NDOR1: variants seen among roughly 807,000 people sequenced by gnomAD.
The protein encoded by NDOR1 is NADPH dependent diflavin oxidoreductase 1.
In NDOR1, 61 loss-of-function variants were observed where a neutral mutation model predicts 67.2. The ratio of observed to expected loss-of-function variants is 0.91; its 90% CI spans 0.74 to 1.12. The LOEUF is 1.12. Ranked by LOEUF, NDOR1 falls within the 50% of genes most tolerant of loss-of-function variation. The pLI, the probability that NDOR1 is intolerant of heterozygous loss-of-function variation, is 0.00. For missense variants in NDOR1, 878 were observed against 802.8 expected (o/e 1.09, Z -1.13); for synonymous variants, 378 against 343.7 (o/e 1.10, Z -1.10).
At position 137,214,521 on chromosome 9, in the gene NDOR1, A is replaced by C. The variant is rs375495144; in HGVS notation, c.723-49A>C. On this transcript the variant is annotated intron_variant, in intron 6 of 13. Transcript: ENST00000684003. ...GGGATGACTTCTATCCGGGGCCCCG[A>C]CATCCTCCCTGCGGCGTCCCCACAG... 17 of 1,609,110 alleles carry C rather than the reference A, an allele frequency of 1.1e-5. 1 individual carries two copies. The African/African-American group carries it at 1.5e-4, about 14-fold the overall frequency.
rs1362317347 is a variant in NDOR1, at chr9:137,216,403, A to G, written c.1781A>G (p.Glu594Gly). The G allele has an allele frequency of 6.2e-7, 1 of 1,604,372 alleles. No homozygotes were observed. Among genetic ancestry groups the G allele is most frequent in the Non-Finnish European group, 8.5e-7 (1 of 1,179,326 alleles). ...RLQQTRRFQT[E>G]TWA ...CAGCAGACACGGCGCTTCCAGACAGAGACGTGGGCCTGAGGCCCGCGGCTG... is the reference window on the plus strand; with the variant it reads ...CAGCAGACACGGCGCTTCCAGACAGGGACGTGGGCCTGAGGCCCGCGGCTG... The change falls in exon 14 of 14, where the codon GAG becomes GGG. Residue 594 changes from glutamate (E) to glycine (G), a missense_variant. Coordinates refer to ENST00000684003, the MANE Select transcript of NDOR1 (RefSeq NM_014434.4).
In NDOR1 at chr9:137,214,307, T is replaced by C. The variant is rs761637810; in HGVS notation, c.616T>C (p.Ser206Pro). The change falls in exon 6 of 14, where the codon TCG (serine) becomes CCG (proline). Residue 206 changes from serine to proline, a missense_variant. Ser to Pro is a moderately conservative substitution (Grantham distance 74). Transcript: ENST00000684003. ...CGGCTCTCAGGAGCCCCCGTCAGAG[T>C]CGAAGCCCTTCCTAGCACCCATGAT... is the stretch of plus-strand genomic sequence containing the variant. ...HPGSQEPPSESKPFLAPMISN... is the reference protein window; with the variant it reads ...HPGSQEPPSEPKPFLAPMISN... The C allele has an allele frequency of 6.2e-7, 1 of 1,613,710 alleles. No individual in the cohort carries two copies. The highest frequency in any genetic ancestry group is 8.5e-7 in the Non-Finnish European group (1 of 1,179,938).
rs375111678 is a variant in NDOR1 at position 137,205,873 on chromosome 9, G to T, written c.96G>T (p.Arg32=). ...TGGGTCGCGAGGCCCGGCGCCGGCG[G>T]CTTGGCTGCCGGGTGCAGGCCCTGG... ...ERLGREARRR[R]LGCRVQALDS... The change falls in exon 1 of 14, where the codon CGG becomes CGT. Residue 32 remains arginine (R), a synonymous_variant. Transcript: ENST00000684003. 4.4e-6 allele frequency: 7 copies of T among 1,599,698 alleles called. No individual in the cohort carries two copies. The highest frequency in any genetic ancestry group is 5.9e-6 in the Non-Finnish European group (7 of 1,178,226).
chr9:137,218,536 G>A lies in NDOR1; in HGVS notation c.*2120G>A. 2.5e-6 allele frequency: 1 copy of A among 401,122 alleles called. No homozygotes were observed. The highest frequency in any genetic ancestry group is 1.3e-4 in the South Asian group (1 of 7,978). 24.8% of individuals were successfully genotyped at this position (401,122 alleles called of 1,614,324 possible). A position where few individuals can be genotyped will look rare whatever the true frequency, so the allele number is the denominator to read the frequency against. Reference sequence around the variant, plus strand: ...TGGCCCTTGAGCTTCTGGGGCTGCTGCTGGTCTTCACGCCGCTCCTGCTGC... The same window carrying A: ...TGGCCCTTGAGCTTCTGGGGCTGCTACTGGTCTTCACGCCGCTCCTGCTGC... On this transcript the variant is annotated 3_prime_UTR_variant, in exon 14 of 14. Transcript: ENST00000684003.
chr9:137,217,875 CCT>C lies in NDOR1; in HGVS notation c.*1464_*1465del, dbSNP rs1835702653. The C allele has an allele frequency of 2.5e-6, 1 of 398,102 alleles. No homozygotes were observed. Among genetic ancestry groups the C allele is most frequent in the Non-Finnish European group, 4.4e-6 (1 of 226,288 alleles). 24.7% of individuals were successfully genotyped at this position (398,102 alleles called of 1,614,324 possible). On this transcript the variant is annotated 3_prime_UTR_variant, in exon 14 of 14. Coordinates refer to ENST00000684003, the MANE Select transcript of NDOR1 (RefSeq NM_014434.4). ...TCTGGGCCTGTCAGTCCACCTGGGT[CCT>C]CTCTGGGCCCTGAGTGCCTGGACCC... is the stretch of plus-strand genomic sequence containing the variant.
At chr9:137,206,417 C>T in intron 2 of NDOR1, 108 bp downstream of exon 2, 2 of 1,166,768 alleles carry the variant, frequency 1.7e-6, no homozygotes, top group Admixed American at 3.5e-5. Flanking sequence ...TCTCATGCAC[C>T]TTCAGAGGTG....
Position 137,216,691 on chromosome 9 carries a change from G to T in NDOR1, c.*275G>T, listed in dbSNP as rs543649245. ...TCCCCCCACCCCCTTCCCAGTCAAG[G>T]TGGTGGCCTGGGCCGCTCCACCTCA... On this transcript the variant is annotated 3_prime_UTR_variant, in exon 14 of 14. Coordinates refer to ENST00000684003, the MANE Select transcript of NDOR1 (RefSeq NM_014434.4). 3.2e-4 allele frequency: 165 copies of T among 509,542 alleles called. No homozygotes were observed. In the East Asian group the frequency reaches 5.8e-3, roughly 18 times the overall value. 31.6% of individuals were successfully genotyped at this position (509,542 alleles called of 1,614,324 possible). A position where few individuals can be genotyped will look rare whatever the true frequency, so the allele number is the denominator to read the frequency against.
Position 137,212,404 on chromosome 9 carries a change from A to G in NDOR1, c.214-98A>G. ...TCCAGTTGTATTCTGCCCCCATCCT[A>G]CCCACCTGCCTGTTCCCCTGAGACC... is the stretch of plus-strand genomic sequence containing the variant. On this transcript the variant is annotated intron_variant, in intron 2 of 13. Transcript: ENST00000684003. This position sits in a 1 kb window ranked among gnomAD's most constrained non-coding sequence, Gnocchi z 4.3. 9.5e-7 allele frequency: 1 copy of G among 1,051,454 alleles called. No individual in the cohort carries two copies. The highest frequency in any genetic ancestry group is 1.5e-6 in the Non-Finnish European group (1 of 679,948). The allele number at this position is 1,051,454 out of a possible 1,614,324, so 65.1% of individuals were successfully genotyped here.
In NDOR1 at chr9:137,206,011, G is replaced by A. The variant is rs184042879; in HGVS notation, c.135+99G>A. On this transcript the variant is annotated intron_variant, in intron 1 of 13. Transcript: ENST00000684003. ...AAAAGGCGTCGCATTTTCTCTGAGAGCGGGTCTTTCCCTTATGGCGGATTT... is the reference window on the plus strand; with the variant it reads ...AAAAGGCGTCGCATTTTCTCTGAGAACGGGTCTTTCCCTTATGGCGGATTT... 1,578 of 1,487,152 alleles carry A rather than the reference G, an allele frequency of 1.1e-3. 2 individuals are homozygous for A. The highest frequency in any genetic ancestry group is 1.3e-3 in the Non-Finnish European group (1,415 of 1,120,932). The allele number at this position is 1,487,152 out of a possible 1,614,324, so 92.1% of individuals were successfully genotyped here.
rs1835729283 is a variant in NDOR1 at position 137,218,311 on chromosome 9, A to G, written c.*1895A>G. On this transcript the variant is annotated 3_prime_UTR_variant, in exon 14 of 14. Transcript: ENST00000684003. ...ACGGGCCCTCACGCCAGCCCCGCCG[A>G]GAGGCCCCTGCATCCTATCACCGCA... is the stretch of plus-strand genomic sequence containing the variant. 2.5e-6 allele frequency: 1 copy of G among 397,790 alleles called. No individual in the cohort carries two copies. Among genetic ancestry groups the G allele is most frequent in the Non-Finnish European group, 4.4e-6 (1 of 225,662 alleles). The allele number at this position is 397,790 out of a possible 1,614,324, so 24.6% of individuals were successfully genotyped here. A position where few individuals can be genotyped will look rare whatever the true frequency, so the allele number is the denominator to read the frequency against.
Position 137,214,529 on chromosome 9 carries a change from C to T in NDOR1, c.723-41C>T, listed in dbSNP as rs766907612. 6.2e-6 allele frequency: 10 copies of T among 1,609,870 alleles called. No homozygotes were observed. The East Asian group carries it at 1.3e-4, about 22-fold the overall frequency. On this transcript the variant is annotated intron_variant, in intron 6 of 13. Transcript: ENST00000684003. ...TTCTATCCGGGGCCCCGACATCCTC[C>T]CTGCGGCGTCCCCACAGCCCTGGTG...
intron 2 of NDOR1, among the ~76,000 whole-genome samples, chr9:137,207,688 C>T (rs1588790281): frequency 6.6e-6 from 1 of 152,214 alleles, no homozygotes; most frequent in East Asian, 1.9e-4. Context: ...TAAAGCTGCA[C>T]AGAAGTCAAA....
Position 137,217,820 on chromosome 9 carries a change from G to C in NDOR1, c.*1404G>C. 5.0e-6 allele frequency: 2 copies of C among 397,546 alleles called. No homozygotes were observed. 24.6% of individuals were successfully genotyped at this position (397,546 alleles called of 1,614,324 possible). A position where few individuals can be genotyped will look rare whatever the true frequency, so the allele number is the denominator to read the frequency against. On this transcript the variant is annotated 3_prime_UTR_variant, in exon 14 of 14. Coordinates refer to ENST00000684003, the MANE Select transcript of NDOR1 (RefSeq NM_014434.4). ...CACCACCCCTGAACTGTGCCCTGGGGCCCCCACCCTCCACCTGGCCGACTC... is the reference window on the plus strand; with the variant it reads ...CACCACCCCTGAACTGTGCCCTGGGCCCCCCACCCTCCACCTGGCCGACTC...
At chr9:137,207,156 C>T (rs186561224) in intron 2 of NDOR1, among the ~76,000 whole-genome samples, 9 of 152,160 alleles carry the variant, frequency 5.9e-5, no homozygotes, top group African/African-American at 2.2e-4. Context: ...GCTAGCAAAA[C>T]CGCACTGGTC....
Position 137,212,906 on chromosome 9 carries a change from G to T in NDOR1, c.311+307G>T. 1 of 369,940 alleles carries T rather than the reference G, an allele frequency of 2.7e-6. No homozygotes were observed. The highest frequency in any genetic ancestry group is 5.4e-5 in the East Asian group (1 of 18,656). 22.9% of individuals were successfully genotyped at this position (369,940 alleles called of 1,614,324 possible). A position where few individuals can be genotyped will look rare whatever the true frequency, so the allele number is the denominator to read the frequency against. The stretch of plus-strand genomic sequence containing the variant: ...CGTGCTGTGAAGTGTTGACGACTTT[G>T]AGCCTGGAGGAGGACCCCGTATGCT... On this transcript the variant is annotated intron_variant, in intron 3 of 13. Coordinates refer to ENST00000684003, the MANE Select transcript of NDOR1 (RefSeq NM_014434.4). This position sits in a 1 kb window ranked among gnomAD's most constrained non-coding sequence, Gnocchi z 4.3.
intron 5 of NDOR1, 39 bp from the exon 6 acceptor site, chr9:137,214,165 G>C (rs1037372921): frequency 6.3e-7 from 1 of 1,575,594 alleles, no homozygotes; most frequent in African/African-American, 1.4e-5. Context: ...GCGGCCCCTG[G>C]GGAGTGGGTC....
Position 137,215,721 on chromosome 9 carries a change from AC to A in NDOR1, c.1352del (p.Thr451AsnfsTer3). The A allele has an allele frequency of 6.2e-7, 1 of 1,600,778 alleles. No individual in the cohort carries two copies. The highest frequency in any genetic ancestry group is 2.2e-5 in the East Asian group (1 of 44,690). On this transcript the variant is annotated frameshift_variant, in exon 11 of 14. Coordinates refer to ENST00000684003, the MANE Select transcript of NDOR1 (RefSeq NM_014434.4). LOFTEE classifies it high-confidence loss of function. ...TCTGGCCTTCCCAGAGACACCAGAC[AC>A]ACCTGTGATCATGGTGGGGCCTGGC... is the stretch of plus-strand genomic sequence containing the variant. ...GSLAFPETPD[T>X]PVIMVGPGTG...
rs143421840 is a variant in NDOR1, at chr9:137,216,360, G to C, written c.1738G>C (p.Ala580Pro). 1.9e-6 allele frequency: 3 copies of C among 1,608,662 alleles called. No individual in the cohort carries two copies. The African/African-American group carries it at 4.0e-5, about 21-fold the overall frequency. ...TGGACTCTGCAGCCCGGACGCAGCCGCGTATCTAGCCAGGCTCCAGCAGAC... is the reference window on the plus strand; with the variant it reads ...TGGACTCTGCAGCCCGGACGCAGCCCCGTATCTAGCCAGGCTCCAGCAGAC... ...EGGLCSPDAA[A>P]YLARLQQTRR... The change falls in exon 14 of 14, where the codon GCG (alanine) becomes CCG (proline). Residue 580 changes from alanine (A) to proline (P), a missense_variant. Coordinates refer to ENST00000684003, the MANE Select transcript of NDOR1 (RefSeq NM_014434.4).
intron 2 of NDOR1, 136 bp downstream of exon 2, chr9:137,206,445 G>C (rs1186026529): frequency 3.3e-6 from 3 of 922,794 alleles, no homozygotes; most frequent in Admixed American, 3.8e-5. Context: ...GAGAACGTCC[G>C]TGAGTGGGGC....
Sources: allele counts gnomAD v4.1 joint callset (sites outside exome capture counted in the v4.1 genomes callset), GRCh38; gene constraint gnomAD v4.1.1; non-coding constraint Gnocchi (gnomAD v3.1); transcripts MANE v1.5; gene names NCBI Gene and HGNC (gene_info 2026-07-23, HGNC 2026-07-21).